PIK3R4: variants seen among roughly 807,000 people sequenced by gnomAD.
The protein encoded by PIK3R4 is phosphoinositide 3-kinase regulatory subunit 4.
In PIK3R4, 46 loss-of-function variants were observed where a neutral mutation model predicts 136.5. That is an observed-to-expected ratio of 0.34 (90% CI 0.27 to 0.43). The LOEUF is 0.43. Ranked by LOEUF, PIK3R4 falls within the 20% of genes least tolerant of loss-of-function variation. The probability of loss-of-function intolerance (pLI) is 1.00; values close to 1 mark genes in which losing one functional copy is unlikely to be tolerated. For missense variants in PIK3R4, 1,331 were observed against 1,649.5 expected (o/e 0.81, Z 3.35); for synonymous variants, 557 against 566.7 (o/e 0.98, Z 0.24).
chr3:130,727,540 T>TC (rs5852605), intron 6 of PIK3R4, among the ~76,000 whole-genome samples: 68,990 of 152,058 alleles, frequency 0.45, 18,020 homozygotes, highest in African/African-American at 0.7. Flanking sequence ...TCTTACAGCT[T>TC]CTGCTGCCTC....
chr3:130,736,133 G>T, intron 2 of PIK3R4, 131 bp from the exon 3 acceptor site: 1 of 580,346 alleles, frequency 1.7e-6, no homozygotes, highest in Non-Finnish European at 2.9e-6. Context: ...AAATTTTAAT[G>T]CAACATACAA....
At chr3:130,728,105 TATG>T (rs900278912) in intron 6 of PIK3R4, among the ~76,000 whole-genome samples, 5 of 152,350 alleles carry the variant, frequency 3.3e-5, no homozygotes, top group East Asian at 3.9e-4. Flanking sequence ...TATAAACATA[TATG>T]ATTTCTGTTA....
intron 13 of PIK3R4, among the ~76,000 whole-genome samples, chr3:130,701,595 A>G (rs1050732319): frequency 6.6e-6 from 1 of 152,026 alleles, no homozygotes; most frequent in African/African-American, 2.4e-5. Context: ...ATTTAAAAGA[A>G]AGGAATAGAA....
chr3:130,684,936 A>G (rs1559819316), intron 15 of PIK3R4, among the ~76,000 whole-genome samples: 1 of 152,240 alleles, frequency 6.6e-6, no homozygotes, highest in Admixed American at 6.5e-5. Flanking sequence ...TGCATTCCAT[A>G]TAAACTACAT....
chr3:130,709,594 G>T (rs1483453527), intron 9 of PIK3R4, among the ~76,000 whole-genome samples: 1 of 151,916 alleles, frequency 6.6e-6, no homozygotes, highest in African/African-American at 2.4e-5. Flanking sequence ...CCTAAAATTC[G>T]CTTTAAATAG....
intron 16 of PIK3R4, among the ~76,000 whole-genome samples, chr3:130,682,282 A>G (rs2066464045): frequency 6.6e-6 from 1 of 152,224 alleles, no homozygotes; most frequent in African/African-American, 2.4e-5. Flanking sequence ...AGAAAGCAGT[A>G]TAACAATGAA....
intron 9 of PIK3R4, among the ~76,000 whole-genome samples, chr3:130,710,033 TAAA>T (rs1194665418): frequency 6.6e-6 from 1 of 151,430 alleles, no homozygotes; most frequent in Non-Finnish European, 1.5e-5. Context: ...TGTATCTCAA[TAAA>T]AAACAAAAAA....
chr3:130,744,990 T>G lies in PIK3R4; in HGVS notation c.229A>C (p.Arg77=), dbSNP rs1196801785. The change falls in exon 2 of 20, where the codon AGG becomes CGG. Residue 77 remains arginine, a synonymous_variant. Coordinates refer to ENST00000356763, the MANE Select transcript of PIK3R4 (RefSeq NM_014602.3). ...AGACAATTCTGTGCAGAATTAAGCC[T>G]GATTTTCAGTTCCTCCAGCTCTTGT... ...YKQELEELKI[R]LNSAQNCLPF... 3.1e-6 allele frequency: 5 copies of G among 1,614,074 alleles called. No individual in the cohort carries two copies. Among genetic ancestry groups the G allele is most frequent in the Middle Eastern group, 1.6e-4 (1 of 6,084 alleles).
intron 7 of PIK3R4, among the ~76,000 whole-genome samples, chr3:130,719,218 T>C (rs1293810624): frequency 6.6e-6 from 1 of 152,090 alleles, no homozygotes; most frequent in Non-Finnish European, 1.5e-5. Context: ...ATTTTATGTA[T>C]TAAACATAAA....
At position 130,745,372 on chromosome 3, in the gene PIK3R4, T is replaced by TA. The variant is rs1436021397; in HGVS notation, c.-46-109_-46-108insT. On this transcript the variant is annotated intron_variant, in intron 1 of 19. Transcript: ENST00000356763. Reference sequence around the variant, plus strand: ...TCCAAAAAGACAGATGCAGCATACTTCTCTTCCACTAACAGCACTGTACCT... The same window carrying TA: ...TCCAAAAAGACAGATGCAGCATACTTACTCTTCCACTAACAGCACTGTACCT... The TA allele has an allele frequency of 4.3e-6, 3 of 704,710 alleles. No individual in the cohort carries two copies. The East Asian group carries it at 8.4e-5, about 20-fold the overall frequency. 43.7% of individuals were successfully genotyped at this position (704,710 alleles called of 1,614,324 possible).
At chr3:130,727,694 A>G (rs1291856197) in intron 6 of PIK3R4, among the ~76,000 whole-genome samples, 1 of 152,204 alleles carries the variant, frequency 6.6e-6, no homozygotes, top group Non-Finnish European at 1.5e-5. Flanking sequence ...AATTTAGCAT[A>G]TATTTCATAA....
chr3:130,730,073 A>G (rs1177251045), intron 5 of PIK3R4, among the ~76,000 whole-genome samples: 2 of 152,200 alleles, frequency 1.3e-5, no homozygotes, highest in African/African-American at 2.4e-5. Context: ...ACACAAATCA[A>G]TTCTGGCTGA....
intron 6 of PIK3R4, among the ~76,000 whole-genome samples, chr3:130,724,599 A>G (rs1028015962): frequency 6.6e-6 from 1 of 152,110 alleles, no homozygotes; most frequent in Non-Finnish European, 1.5e-5. Context: ...ATTCTCAACT[A>G]ACCAAACAAT....
At chr3:130,720,604 T>TTAA (rs987533539) in intron 7 of PIK3R4, among the ~76,000 whole-genome samples, 1 of 152,316 alleles carries the variant, frequency 6.6e-6, no homozygotes, top group Admixed American at 6.5e-5. Context: ...CACCATTCTC[T>TTAA]TTAAGAGTCA....
intron 16 of PIK3R4, among the ~76,000 whole-genome samples, chr3:130,683,185 G>A (rs1372358938): frequency 6.6e-6 from 1 of 152,216 alleles, no homozygotes; most frequent in Non-Finnish European, 1.5e-5. Context: ...CAGGGTAGGA[G>A]GCAGTGGTGG....
rs190964688 is a variant in PIK3R4 at position 130,736,265 on chromosome 3, T to C, written c.734-263A>G. On this transcript the variant is annotated intron_variant, in intron 2 of 19. Coordinates refer to ENST00000356763, the MANE Select transcript of PIK3R4 (RefSeq NM_014602.3). ...AAAAACTTAAATAATTCCCCCGTTC[T>C]GTAATTTAAAATGAATGTATAGGCC... Among the ~76,000 whole-genome samples the C allele has an allele frequency of 2.7e-3, 411 of 152,290 alleles. 11 individuals carry two copies. Among genetic ancestry groups the C allele is most frequent in the Non-Finnish European group, 5.4e-4 (37 of 68,026 alleles).
At chr3:130,746,231 T>A (rs2066852542) in intron 1 of PIK3R4, 87 bp downstream of exon 1, 1 of 152,204 alleles carries the variant, frequency 6.6e-6, no homozygotes, top group Non-Finnish European at 1.5e-5. Context: ...TAGCTAAACG[T>A]ACCCCAGGGT....
rs1196176576 is a variant in PIK3R4 at position 130,706,976 on chromosome 3, A to T, written c.2693T>A (p.Ile898Asn). Residue 898 changes from isoleucine (I) to asparagine (N), a missense_variant, in exon 11 of 20, where the codon ATT (isoleucine) becomes AAT (asparagine). Physicochemically the swap from Ile to Asn is moderately radical, Grantham distance 149. Coordinates refer to ENST00000356763, the MANE Select transcript of PIK3R4 (RefSeq NM_014602.3). ...KPPRSESSAG[I>N]CVPLSTSSQV... The stretch of plus-strand genomic sequence containing the variant: ...TGAAGAAGTTGACAAAGGGACACAA[A>T]TGCCAGCAGAGGACTCGGAACGAGG... 3 of 1,611,234 alleles carry T rather than the reference A, an allele frequency of 1.9e-6. No individual in the cohort carries two copies. Among genetic ancestry groups the T allele is most frequent in the East Asian group, 2.2e-5 (1 of 44,788 alleles).
At chr3:130,714,683 A>T (rs1299989787) in intron 9 of PIK3R4, among the ~76,000 whole-genome samples, 1 of 143,034 alleles carries the variant, frequency 7.0e-6, no homozygotes, top group Non-Finnish European at 1.5e-5. Flanking sequence ...GCTCCCACTT[A>T]TGAATGAGAA....
Sources: gnomAD v4.1 joint callset for allele counts (sites outside exome capture counted in the v4.1 genomes callset) on GRCh38, gnomAD v4.1.1 for gene constraint, MANE v1.5 for transcripts, NCBI Gene and HGNC (gene_info 2026-07-23, HGNC 2026-07-21) for gene names.